MACROD2: variants seen among roughly 807,000 people sequenced by gnomAD.
MACROD2 encodes the protein mono-ADP ribosylhydrolase 2.
MACROD2 carries 36 observed loss-of-function variants against 70.4 expected under a neutral mutation model. That is an observed-to-expected ratio of 0.51 (90% CI 0.39 to 0.68). The LOEUF (loss-of-function observed/expected upper bound fraction) is 0.68. MACROD2 is among the 30% of genes least tolerant of loss of function. The pLI is 0.00. For synonymous variants in MACROD2, 172 were observed against 178.8 expected, an observed-to-expected ratio of 0.96 and a Z score of 0.30; for missense variants, 496 against 538.4, an observed-to-expected ratio of 0.92 and a Z score of 0.78.
intron 3 of MACROD2, among the ~76,000 whole-genome samples, chr20:14,445,271 C>T (rs2084171077): frequency 6.6e-6 from 1 of 152,028 alleles, no homozygotes; most frequent in Non-Finnish European, 1.5e-5. Context: ...CCCTGCATAT[C>T]TCCAGCATCT....
chr20:15,869,583 G>A (rs1443963066), intron 9 of MACROD2, among the ~76,000 whole-genome samples: 1 of 151,876 alleles, frequency 6.6e-6, no homozygotes, highest in Non-Finnish European at 1.5e-5. Flanking sequence ...AAATGAGCTT[G>A]CAAAATAGTA....
chr20:15,858,651 G>A (rs1184947447), intron 8 of MACROD2, among the ~76,000 whole-genome samples: 1 of 152,182 alleles, frequency 6.6e-6, no homozygotes, highest in Non-Finnish European at 1.5e-5. Context: ...CCGCTGGTGT[G>A]ACATTAGCTG....
rs1436904040 is a variant in MACROD2, at chr20:14,005,286, C to CA, written c.163+2888dup. 2.0e-5 allele frequency among the ~76,000 whole-genome samples: 3 copies of CA among 151,976 alleles called. No homozygotes were observed. In the South Asian group the frequency reaches 6.2e-4, roughly 32 times the overall value. On this transcript the variant is annotated intron_variant, in intron 2 of 17. Coordinates refer to ENST00000684519, the MANE Select transcript of MACROD2 (RefSeq NM_001351661.2). ...ACCAAAAAATAAAAATAAAAAAACC[C>CA]AAAAAACAAAAACCCCATCCAGAAA... is the stretch of plus-strand genomic sequence containing the variant.
At chr20:14,903,024 C>G (rs570120015) in intron 5 of MACROD2, among the ~76,000 whole-genome samples, 10 of 137,482 alleles carry the variant, frequency 7.3e-5, no homozygotes, top group Non-Finnish European at 1.3e-4. Flanking sequence ...CTAAAGGTTT[C>G]TTTTTTTTCT....
chr20:15,079,981 A>G (rs541914260), intron 5 of MACROD2, among the ~76,000 whole-genome samples: 1 of 152,028 alleles, frequency 6.6e-6, no homozygotes, highest in African/African-American at 2.4e-5. Context: ...TAAATCTACC[A>G]ACCTGCCTGC....
At chr20:14,023,312 T>C (rs1370877051) in intron 2 of MACROD2, among the ~76,000 whole-genome samples, 22 of 152,254 alleles carry the variant, frequency 1.4e-4, no homozygotes, top group Admixed American at 1.4e-3. Flanking sequence ...CTTTGTCAGA[T>C]GGATAGATTG....
intron 5 of MACROD2, among the ~76,000 whole-genome samples, chr20:15,118,070 A>C (rs1322111): frequency 0.48 from 72,517 of 151,882 alleles, 20,304 homozygotes; most frequent in East Asian, 0.86. Flanking sequence ...TGTTGCATCA[A>C]AATTGAAGAT....
At chr20:14,061,366 A>G (rs2030617938) in intron 2 of MACROD2, among the ~76,000 whole-genome samples, 1 of 152,160 alleles carries the variant, frequency 6.6e-6, no homozygotes, top group East Asian at 1.9e-4. Context: ...TTGGCAGGAT[A>G]ACAAGAAATA....
At chr20:15,090,376 G>A (rs1034307733) in intron 5 of MACROD2, among the ~76,000 whole-genome samples, 2 of 152,024 alleles carry the variant, frequency 1.3e-5, no homozygotes, top group Non-Finnish European at 2.9e-5. Flanking sequence ...CAAAGATGGT[G>A]ATCATTTTCT....
chr20:15,590,082 ATACT>A (rs1489824522), intron 8 of MACROD2, among the ~76,000 whole-genome samples: 1 of 152,240 alleles, frequency 6.6e-6, no homozygotes, highest in Non-Finnish European at 1.5e-5. Flanking sequence ...ATACATAAAA[ATACT>A]TAGTATATTA....
At chr20:14,557,255 C>T (rs530614069) in intron 4 of MACROD2, among the ~76,000 whole-genome samples, 1 of 152,004 alleles carries the variant, frequency 6.6e-6, no homozygotes, top group East Asian at 1.9e-4. Flanking sequence ...AGTGGAAGAA[C>T]TAAAGCTATA....
intron 6 of MACROD2, among the ~76,000 whole-genome samples, chr20:15,367,030 ATT>A (rs35222848): frequency 3.6e-5 from 5 of 137,246 alleles, no homozygotes; most frequent in African/African-American, 5.4e-5. Context: ...AAAATTACTG[ATT>A]TTTTTTTTTT....
At chr20:15,465,361 G>A (rs1776104945) in intron 7 of MACROD2, among the ~76,000 whole-genome samples, 1 of 152,240 alleles carries the variant, frequency 6.6e-6, no homozygotes, top group African/African-American at 2.4e-5. Flanking sequence ...CTCAAGCCAT[G>A]TTCCTGAAGG....
chr20:15,312,654 A>G (rs929251312), intron 6 of MACROD2, among the ~76,000 whole-genome samples: 1 of 152,212 alleles, frequency 6.6e-6, no homozygotes, highest in African/African-American at 2.4e-5. Flanking sequence ...ATTTATGCTT[A>G]TGTTTATATA....
chr20:15,574,758 T>A (rs147320488), intron 8 of MACROD2, among the ~76,000 whole-genome samples: 66 of 152,306 alleles, frequency 4.3e-4, no homozygotes, highest in Non-Finnish European at 7.8e-4. Flanking sequence ...ATTCTCAGTA[T>A]GCTTGAAATC....
chr20:14,341,961 A>G (rs1349682545), intron 3 of MACROD2, among the ~76,000 whole-genome samples: 4 of 152,188 alleles, frequency 2.6e-5, no homozygotes, highest in East Asian at 1.9e-4. Flanking sequence ...CTCTTAGGCA[A>G]TAACAGTTCC....
Position 16,016,885 on chromosome 20 carries a change from T to C in MACROD2, c.1154-24316T>C, listed in dbSNP as rs552597859. On this transcript the variant is annotated intron_variant, in intron 15 of 17. Transcript: ENST00000684519. ...GTGCAGTCTTTGACTATTCCCTTTA[T>C]CCCAAACATCCAATTCATCCTGAAA... is the stretch of plus-strand genomic sequence containing the variant. Among the ~76,000 whole-genome samples, 21 of 152,316 alleles carry C rather than the reference T, an allele frequency of 1.4e-4. No homozygotes were observed. The South Asian group carries it at 4.1e-3, about 30-fold the overall frequency.
At chr20:15,074,446 T>A (rs34924155) in intron 5 of MACROD2, among the ~76,000 whole-genome samples, 26,683 of 152,202 alleles carry the variant, frequency 0.18, 2,799 homozygotes, top group East Asian at 0.35. Flanking sequence ...CCCATACTTA[T>A]TCATTCCTTA....
intron 4 of MACROD2, among the ~76,000 whole-genome samples, chr20:14,641,740 A>G (rs1210953480): frequency 6.6e-6 from 1 of 152,238 alleles, no homozygotes; most frequent in African/African-American, 2.4e-5. Flanking sequence ...GGTCTCAACA[A>G]TGGGCTTAAA....
Sources: gnomAD v4.1 joint callset for allele counts (sites outside exome capture counted in the v4.1 genomes callset) on GRCh38, gnomAD v4.1.1 for gene constraint, MANE v1.5 for transcripts, NCBI Gene and HGNC (gene_info 2026-07-23, HGNC 2026-07-21) for gene names.